CXCL13: variants seen among roughly 807,000 people sequenced by gnomAD.
The protein encoded by CXCL13 is C-X-C motif chemokine ligand 13.
A neutral mutation model predicts 12.2 loss-of-function variants in CXCL13; 7 were observed. That is an observed-to-expected ratio of 0.57 (90% CI 0.33 to 1.07). The LOEUF (loss-of-function observed/expected upper bound fraction) is 1.07. CXCL13 is among the 50% of genes least tolerant of loss of function. The pLI, the probability that CXCL13 is intolerant of heterozygous loss-of-function variation, is 0.04. For synonymous variants in CXCL13, 47 were observed against 42.4 expected, an observed-to-expected ratio of 1.11 and a Z score of -0.42; for missense variants, 113 against 127.4, an observed-to-expected ratio of 0.89 and a Z score of 0.55.
At chr4:77,568,741 G>C (rs1192037784) in intron 1 of CXCL13, among the ~76,000 whole-genome samples, 2 of 152,090 alleles carry the variant, frequency 1.3e-5, no homozygotes, top group Admixed American at 6.6e-5. Context: ...ATTTGGTTCT[G>C]TTTACTGCCC....
At chr4:77,585,026 G>A (rs1342121554) in intron 1 of CXCL13, among the ~76,000 whole-genome samples, 1 of 152,106 alleles carries the variant, frequency 6.6e-6, no homozygotes, top group East Asian at 1.9e-4. Context: ...ATGGCTGGCT[G>A]AGCACATCAT....
upstream of CXCL13, among the ~76,000 whole-genome samples, chr4:77,602,254 C>T (rs565271157): frequency 6.6e-5 from 10 of 152,248 alleles, no homozygotes; most frequent in Non-Finnish European, 1.2e-4. Flanking sequence ...TCCTTCTTGT[C>T]ACTGCTCTGC....
In CXCL13 at chr4:77,572,188, G is replaced by A. The variant is rs529516253; in HGVS notation, c.-42-33636G>A. 2.8e-4 allele frequency among the ~76,000 whole-genome samples: 42 copies of A among 151,992 alleles called. No homozygotes were observed. The South Asian group carries it at 8.3e-3, about 30-fold the overall frequency. On this transcript the variant is annotated intron_variant, in intron 1 of 4. Coordinates refer to the CXCL13 transcript ENST00000286758. ...GGCTGAGGTGGGTGGATCACCTGAG[G>A]TCAGGAGTTCAAGACCAGTCTGGCC...
intron 1 of CXCL13, among the ~76,000 whole-genome samples, chr4:77,560,118 A>C (rs1725770987): frequency 6.6e-6 from 1 of 152,054 alleles, no homozygotes; most frequent in South Asian, 2.1e-4. Flanking sequence ...CTATTTATCA[A>C]ACATTTACTA....
chr4:77,609,902 T>C (rs1727104146), intron 2 of CXCL13, among the ~76,000 whole-genome samples: 1 of 152,226 alleles, frequency 6.6e-6, no homozygotes, highest in Non-Finnish European at 1.5e-5. Context: ...TCACTGAGCC[T>C]AAGTTATCAT....
At chr4:77,565,907 A>G (rs1201370391) in intron 1 of CXCL13, among the ~76,000 whole-genome samples, 1 of 152,238 alleles carries the variant, frequency 6.6e-6, no homozygotes, top group Non-Finnish European at 1.5e-5. Flanking sequence ...AGAAGATGAT[A>G]TAATAGCTAC....
intron 1 of CXCL13, among the ~76,000 whole-genome samples, chr4:77,518,086 T>C (rs1355393968): frequency 6.6e-6 from 1 of 152,218 alleles, no homozygotes; most frequent in Admixed American, 6.5e-5. Flanking sequence ...AATTCTGGGT[T>C]GAAAATTCTT....
At chr4:77,567,112 C>T (rs1020267291) in intron 1 of CXCL13, among the ~76,000 whole-genome samples, 18 of 152,228 alleles carry the variant, frequency 1.2e-4, no homozygotes, top group Admixed American at 1.3e-4. Flanking sequence ...TTTGTAAAAT[C>T]CTCCCCACCC....
intron 2 of CXCL13, among the ~76,000 whole-genome samples, chr4:77,609,843 C>T (rs182110590): frequency 1.3e-5 from 2 of 152,148 alleles, no homozygotes; most frequent in African/African-American, 4.8e-5. Context: ...TCATTTGAAT[C>T]CTTCTGTATC....
intron 1 of CXCL13, among the ~76,000 whole-genome samples, chr4:77,588,379 C>T (rs1437031098): frequency 6.6e-6 from 1 of 152,080 alleles, no homozygotes; most frequent in Admixed American, 6.5e-5. Context: ...GTTGATTGGT[C>T]CTGACCCCCA....
intron 1 of CXCL13, among the ~76,000 whole-genome samples, chr4:77,546,748 G>T (rs529839069): frequency 1.3e-5 from 2 of 152,206 alleles, no homozygotes; most frequent in East Asian, 3.9e-4. Context: ...CTTCAGTTCT[G>T]CTCTGATCTT....
chr4:77,608,380 C>T (rs1176153157), intron 2 of CXCL13, among the ~76,000 whole-genome samples: 6 of 151,024 alleles, frequency 4.0e-5, no homozygotes, highest in East Asian at 1.9e-4. Context: ...GCGGAGGTTG[C>T]GGTGAGCCGA....
chr4:77,594,011 T>C (rs2109832356), intron 1 of CXCL13, among the ~76,000 whole-genome samples: 1 of 152,282 alleles, frequency 6.6e-6, no homozygotes, highest in Non-Finnish European at 1.5e-5. Context: ...CTGGCTGATG[T>C]GGAATTTATA....
intron 1 of CXCL13, among the ~76,000 whole-genome samples, chr4:77,568,730 C>T (rs1478924132): frequency 6.6e-6 from 1 of 152,046 alleles, no homozygotes; most frequent in Non-Finnish European, 1.5e-5. Flanking sequence ...GGCTTTTCGG[C>T]ATTTGGTTCT....
At chr4:77,545,699 A>G (rs1333807817) in intron 1 of CXCL13, among the ~76,000 whole-genome samples, 1 of 152,192 alleles carries the variant, frequency 6.6e-6, no homozygotes, top group Admixed American at 6.5e-5. Context: ...GCAAACAGAG[A>G]CAATTTGACT....
intron 1 of CXCL13, among the ~76,000 whole-genome samples, chr4:77,592,432 G>A (rs1726636850): frequency 6.6e-6 from 1 of 152,062 alleles, no homozygotes; most frequent in South Asian, 2.1e-4. Flanking sequence ...TGGGGGAAGG[G>A]GAATGGGGAG....
chr4:77,544,676 T>A (rs921123107), intron 1 of CXCL13, among the ~76,000 whole-genome samples: 3 of 152,186 alleles, frequency 2.0e-5, no homozygotes, highest in African/African-American at 7.2e-5. Context: ...ATTGCAAAAA[T>A]TTTCTCCCAT....
At chr4:77,569,279 A>G (rs1726008484) in intron 1 of CXCL13, among the ~76,000 whole-genome samples, 1 of 152,232 alleles carries the variant, frequency 6.6e-6, no homozygotes, top group Non-Finnish European at 1.5e-5. Context: ...ATCAGGCAAG[A>G]GAGAGAAATA....
intron 1 of CXCL13, among the ~76,000 whole-genome samples, chr4:77,562,160 C>A (rs978790614): frequency 6.9e-6 from 1 of 145,816 alleles, no homozygotes; most frequent in African/African-American, 2.5e-5. Context: ...CACCCCCTGC[C>A]CACCGCTGCC....
Sources: allele counts gnomAD v4.1 joint callset (sites outside exome capture counted in the v4.1 genomes callset), GRCh38; gene constraint gnomAD v4.1.1; transcripts MANE v1.5; gene names NCBI Gene and HGNC (gene_info 2026-07-23, HGNC 2026-07-21).